Variants in SULT6B1 observed in about 807,000 individuals in gnomAD.
SULT6B1 encodes the protein sulfotransferase family 6B member 1, also known as sulfotransferase 6B1.
A neutral mutation model predicts 37.2 loss-of-function variants in SULT6B1; 44 were observed. That is an observed-to-expected ratio of 1.18 (90% CI 0.93 to 1.52). The LOEUF (loss-of-function observed/expected upper bound fraction) is 1.52, where lower values mean the gene tolerates loss of function less well. Ranked by LOEUF, SULT6B1 falls within the 40% of genes most tolerant of loss-of-function variation. The pLI, the probability that SULT6B1 is intolerant of heterozygous loss-of-function variation, is 0.00. For synonymous variants in SULT6B1, 140 were observed against 126.0 expected, an observed-to-expected ratio of 1.11 and a Z score of -0.74; for missense variants, 450 against 361.0, an observed-to-expected ratio of 1.25 and a Z score of -2.00.
chr2:37,172,854 T>C (rs995115161), intron 5 of SULT6B1, among the ~76,000 whole-genome samples: 5 of 149,576 alleles, frequency 3.3e-5, no homozygotes, highest in South Asian at 2.1e-4. Context: ...TTTTGGTTTT[T>C]CGTTTGTTTG....
chr2:37,168,618 C>T (rs967630754), intron 6 of SULT6B1, among the ~76,000 whole-genome samples: 10 of 152,194 alleles, frequency 6.6e-5, no homozygotes, highest in Non-Finnish European at 8.8e-5. Flanking sequence ...TCTCCAAACA[C>T]CTAGAACTTA....
At chr2:37,175,550 C>A (rs1572457537) in intron 4 of SULT6B1, among the ~76,000 whole-genome samples, 1 of 151,990 alleles carries the variant, frequency 6.6e-6, no homozygotes, top group African/African-American at 2.4e-5. Flanking sequence ...CACATGAAAT[C>A]CGACAGAGAC....
intron 5 of SULT6B1, among the ~76,000 whole-genome samples, chr2:37,173,957 C>G (rs746956921): frequency 2.0e-5 from 3 of 152,184 alleles, no homozygotes; most frequent in Non-Finnish European, 2.9e-5. Context: ...CTTCCCACTT[C>G]CCTCAAAGTG....
At chr2:37,169,017 A>T (rs1349879923) in intron 6 of SULT6B1, among the ~76,000 whole-genome samples, 3 of 152,236 alleles carry the variant, frequency 2.0e-5, no homozygotes, top group Non-Finnish European at 4.4e-5. Flanking sequence ...GTGGAAGAAA[A>T]TATGCCAGAA....
intron 3 of SULT6B1, among the ~76,000 whole-genome samples, chr2:37,181,357 A>G (rs1332959297): frequency 6.6e-6 from 1 of 152,110 alleles, no homozygotes; most frequent in Non-Finnish European, 1.5e-5. Flanking sequence ...CCCCACGTCA[A>G]CGTCTTACCT....
chr2:37,168,714 A>C (rs998009878), intron 6 of SULT6B1, among the ~76,000 whole-genome samples: 2 of 152,300 alleles, frequency 1.3e-5, no homozygotes, highest in Non-Finnish European at 1.5e-5. Context: ...ATTTTATAGC[A>C]AGTTTTCGTT....
In SULT6B1 at chr2:37,179,490, T is replaced by A; in HGVS notation, c.497A>T (p.Asp166Val). The change falls in exon 4 of 7, where the codon GAT becomes GTT. Residue 166 changes from aspartate (D) to valine (V), a missense_variant. Transcript: ENST00000535679. The part of the protein sequence containing the change: ...VPDIPSYGSW[D>V]EFFRQFMKGQ... ...TTTCATGAACTGTCTGAAGAATTCA[T>A]CCCAAGAGCCATAGCTTGGAATATC... 6.2e-7 allele frequency: 1 copy of A among 1,614,074 alleles called. No individual in the cohort carries two copies. Among genetic ancestry groups the A allele is most frequent in the East Asian group, 2.2e-5 (1 of 44,866 alleles).
chr2:37,174,820 A>G (rs985771802), intron 5 of SULT6B1, among the ~76,000 whole-genome samples: 4 of 152,208 alleles, frequency 2.6e-5, no homozygotes, highest in Admixed American at 6.5e-5. Flanking sequence ...TTCACAACCA[A>G]GTGTATGTTC....
At chr2:37,168,507 A>C (rs893544498) in intron 6 of SULT6B1, among the ~76,000 whole-genome samples, 1 of 152,156 alleles carries the variant, frequency 6.6e-6, no homozygotes, top group Non-Finnish European at 1.5e-5. Context: ...AAAATTAACA[A>C]TATCCATTGG....
chr2:37,172,032 A>T (rs1676314449), intron 5 of SULT6B1, among the ~76,000 whole-genome samples: 1 of 148,214 alleles, frequency 6.7e-6, no homozygotes, highest in Non-Finnish European at 1.5e-5. Context: ...AATTTTTAGA[A>T]TCATAAAAAC....
chr2:37,171,287 A>G, intron 6 of SULT6B1, 147 bp downstream of exon 6: 5 of 852,066 alleles, frequency 5.9e-6, no homozygotes, highest in Non-Finnish European at 8.6e-6. Context: ...TGCCAGTTAC[A>G]GCTCTGGAGA....
At chr2:37,193,551 C>G (rs1252737430), upstream of SULT6B1, among the ~76,000 whole-genome samples, 1 of 123,180 alleles carries the variant, frequency 8.1e-6, no homozygotes, top group African/African-American at 3.0e-5. Context: ...TTTTTCCAGT[C>G]TATAGACATT....
At chr2:37,171,398 A>G in intron 6 of SULT6B1, 36 bp downstream of exon 6, 1 of 1,602,720 alleles carries the variant, frequency 6.2e-7, no homozygotes, top group South Asian at 1.1e-5. Context: ...GTCAGTCCCT[A>G]ACTGATAACA....
At chr2:37,187,772 T>C (rs991450612) in intron 1 of SULT6B1, among the ~76,000 whole-genome samples, 35 of 152,178 alleles carry the variant, frequency 2.3e-4, no homozygotes, top group African/African-American at 7.5e-4. Context: ...AAATAGTTTA[T>C]TATAAGTTGT....
At chr2:37,193,618 G>GAAGAAGAAGAAGAAGAAGAAT (rs1676830488), upstream of SULT6B1, among the ~76,000 whole-genome samples, 1 of 149,316 alleles carries the variant, frequency 6.7e-6, no homozygotes, top group Non-Finnish European at 1.5e-5. Context: ...AGAAGAAGAA[G>GAAGAAGAAGAAGAAGAAGAAT]AAGAAGAAGA....
intron 2 of SULT6B1, 91 bp downstream of exon 2, chr2:37,187,264 C>A: frequency 1.2e-6 from 1 of 823,952 alleles, no homozygotes; most frequent in Non-Finnish European, 2.0e-6. Context: ...ATTAGCATTG[C>A]ACTTTCTAAA....
At chr2:37,185,389 G>C (rs1676648629) in intron 2 of SULT6B1, among the ~76,000 whole-genome samples, 2 of 152,104 alleles carry the variant, frequency 1.3e-5, no homozygotes, top group South Asian at 4.1e-4. Flanking sequence ...TAATTGTTAA[G>C]TGAAGTTCAT....
Position 37,175,240 on chromosome 2 carries a change from G to T in SULT6B1, c.530-14C>A. ...TTCCCCAAGAAACTAAAAACACAGG[G>T]GGGAAGACTTTAAGAAATGTCAAAT... is the stretch of plus-strand genomic sequence containing the variant. On this transcript the variant is annotated splice_polypyrimidine_tract_variant and intron_variant, in intron 4 of 6. Coordinates refer to ENST00000535679, the MANE Select transcript of SULT6B1 (RefSeq NM_001367551.1). 1 of 1,477,746 alleles carries T rather than the reference G, an allele frequency of 6.8e-7. No homozygotes were observed. The allele number at this position is 1,477,746 out of a possible 1,614,324, so 91.5% of individuals were successfully genotyped here.
At chr2:37,189,440 C>T (rs536555328), upstream of SULT6B1, among the ~76,000 whole-genome samples, 7 of 152,212 alleles carry the variant, frequency 4.6e-5, no homozygotes, top group Admixed American at 1.3e-4. Context: ...ACTTAGAAGA[C>T]ACCCAAGTGG....
Sources: gnomAD v4.1 joint callset for allele counts (sites outside exome capture counted in the v4.1 genomes callset) on GRCh38, gnomAD v4.1.1 for gene constraint, MANE v1.5 for transcripts, NCBI Gene and HGNC (gene_info 2026-07-23, HGNC 2026-07-21) for gene names.